Variants in ZNF469 observed in about 807,000 individuals in gnomAD.
ZNF469 encodes zinc finger protein 469.
Under a neutral mutation model 1.0 loss-of-function variants are expected in ZNF469, and 1 was observed. The observed-to-expected ratio is 1.00, with a 90% CI of 0.35 to 4.73. The LOEUF (loss-of-function observed/expected upper bound fraction) is 4.73, where lower values mean the gene tolerates loss of function less well. ZNF469 is among the 30% of genes most tolerant of loss of function. The pLI, the probability that ZNF469 is intolerant of heterozygous loss-of-function variation, is 0.16. For synonymous variants in ZNF469, 2,703 were observed against 2,363.4 expected, an observed-to-expected ratio of 1.14 and a Z score of -4.17; for missense variants, 6,100 against 5,356.3, an observed-to-expected ratio of 1.14 and a Z score of -4.33.
At chr16:88,189,048 G>A in the ZNF469 span, among the ~76,000 whole-genome samples, 1 of 152,018 alleles carries the variant, frequency 6.6e-6, no homozygotes, top group East Asian at 1.9e-4. This position sits in a 1 kb window ranked among gnomAD's most constrained non-coding sequence, Gnocchi z 4.3. Context: ...CCCAATGAGG[G>A]GAGGATGTCT....
chr16:88,113,976 A>T, the ZNF469 span, among the ~76,000 whole-genome samples: 1 of 152,150 alleles, frequency 6.6e-6, no homozygotes, highest in African/African-American at 2.4e-5. Flanking sequence ...GGGCCGTGCG[A>T]TGGGAGGTCC....
At chr16:88,399,717 C>G (rs1351760607) in intron 1 of ZNF469, among the ~76,000 whole-genome samples, 1 of 152,264 alleles carries the variant, frequency 6.6e-6, no homozygotes, top group East Asian at 1.9e-4. Flanking sequence ...CCCCCAGCCT[C>G]ACTCCTGCAG....
chr16:88,372,740 A>G, the ZNF469 span, among the ~76,000 whole-genome samples: 2 of 147,408 alleles, frequency 1.4e-5, no homozygotes, highest in African/African-American at 5.1e-5. Context: ...CTTCACCATC[A>G]CCACCATCAT....
the ZNF469 span, among the ~76,000 whole-genome samples, chr16:88,286,229 C>T: frequency 9.8e-5 from 15 of 152,370 alleles, no homozygotes; most frequent in Admixed American, 4.6e-4. Context: ...GCCCCCACTC[C>T]GTTCACCACA....
chr16:88,284,722 C>A, the ZNF469 span, among the ~76,000 whole-genome samples: 56 of 152,280 alleles, frequency 3.7e-4, 2 homozygotes, highest in African/African-American at 1.3e-3. Context: ...GTGCTAAGGG[C>A]CTTCCGTGGT....
intron 1 of ZNF469, among the ~76,000 whole-genome samples, chr16:88,409,876 G>T (rs1398932058): frequency 4.7e-5 from 7 of 147,640 alleles, no homozygotes; most frequent in African/African-American, 1.0e-4. Context: ...CGGGGGGGGG[G>T]GGGGGGGGCG....
At chr16:88,107,721 A>G in the ZNF469 span, among the ~76,000 whole-genome samples, 1 of 152,246 alleles carries the variant, frequency 6.6e-6, no homozygotes, top group Non-Finnish European at 1.5e-5. Context: ...CCTGGGACAT[A>G]GACGCGGAGG....
chr16:88,240,501 C>T, the ZNF469 span, among the ~76,000 whole-genome samples: 4 of 152,250 alleles, frequency 2.6e-5, no homozygotes, highest in Admixed American at 2.6e-4. Context: ...CAACACTGTG[C>T]CCACCAGGTG....
the ZNF469 span, among the ~76,000 whole-genome samples, chr16:88,132,356 G>C: frequency 6.6e-6 from 1 of 152,376 alleles, no homozygotes; most frequent in East Asian, 1.9e-4. Flanking sequence ...GCCCAGAAGA[G>C]AGGCTGCAGC....
At chr16:88,205,199 G>A in the ZNF469 span, among the ~76,000 whole-genome samples, 1 of 152,158 alleles carries the variant, frequency 6.6e-6, no homozygotes, top group African/African-American at 2.4e-5. The surrounding 1 kb of genome is among the most constrained non-coding windows in gnomAD (Gnocchi z 4.2). Flanking sequence ...TGGAGAATGA[G>A]GAAAATAATA....
chr16:88,133,638 T>G, the ZNF469 span, among the ~76,000 whole-genome samples: 3 of 149,438 alleles, frequency 2.0e-5, no homozygotes, highest in Non-Finnish European at 4.4e-5. Flanking sequence ...ATTAATAAAA[T>G]AAATTATAAA....
the ZNF469 span, among the ~76,000 whole-genome samples, chr16:88,176,150 C>A: frequency 6.6e-6 from 1 of 151,444 alleles, no homozygotes; most frequent in Admixed American, 6.6e-5. Flanking sequence ...ACCCTGCACC[C>A]ACCGAAGCTC....
Position 88,424,098 on chromosome 16 carries a change from G to A in ZNF469, c.-191-709G>A, listed in dbSNP as rs1260784577. ...CACAGCGTTTGGAGCACAGGCTGTC[G>A]CCATGTGGTGACCATTGCTGTATTG... On this transcript the variant is annotated intron_variant, in intron 1 of 2. Transcript: ENST00000565624. The surrounding 1 kb of genome is among the most constrained non-coding windows in gnomAD (Gnocchi z 4.3). 6.6e-6 allele frequency among the ~76,000 whole-genome samples: 1 copy of A among 152,236 alleles called. No individual in the cohort carries two copies. The highest frequency in any genetic ancestry group is 6.5e-5 in the Admixed American group (1 of 15,284).
the ZNF469 span, among the ~76,000 whole-genome samples, chr16:88,327,085 C>G: frequency 6.6e-6 from 1 of 152,210 alleles, no homozygotes; most frequent in African/African-American, 2.4e-5. Flanking sequence ...GCTGTGGGAC[C>G]TCAGGAGAAG....
chr16:88,396,688 T>TCTGAAGGGAGGCCGGGAGGAGACCCTC (rs1904679713), intron 1 of ZNF469, among the ~76,000 whole-genome samples: 4 of 88,850 alleles, frequency 4.5e-5, no homozygotes, highest in Non-Finnish European at 4.5e-5. Context: ...AGGAGACCCG[T>TCTGAAGGGAGGCCGGGAGGAGACCCTC]CTGAAGGGAG....
the ZNF469 span, among the ~76,000 whole-genome samples, chr16:88,113,726 A>C: frequency 6.6e-6 from 1 of 152,222 alleles, no homozygotes; most frequent in Non-Finnish European, 1.5e-5. Flanking sequence ...CAGGCGGTGC[A>C]GGGCCCCAGC....
chr16:88,296,692 A>G, the ZNF469 span, among the ~76,000 whole-genome samples: 1 of 151,486 alleles, frequency 6.6e-6, no homozygotes, highest in African/African-American at 2.4e-5. Context: ...GTGCACACTC[A>G]CATGTGCAGA....
At chr16:88,110,067 T>C in the ZNF469 span, among the ~76,000 whole-genome samples, 1 of 152,176 alleles carries the variant, frequency 6.6e-6, no homozygotes, top group Non-Finnish European at 1.5e-5. Context: ...GGTGACTCCT[T>C]TTTCCCTCAC....
At chr16:88,128,445 C>T in the ZNF469 span, among the ~76,000 whole-genome samples, 3 of 152,192 alleles carry the variant, frequency 2.0e-5, no homozygotes, top group Non-Finnish European at 2.9e-5. Flanking sequence ...TGTTCTCACC[C>T]TCCAACCCTC....
Sources: allele counts gnomAD v4.1 joint callset (sites outside exome capture counted in the v4.1 genomes callset), GRCh38; gene constraint gnomAD v4.1.1; non-coding constraint Gnocchi (gnomAD v3.1); transcripts MANE v1.5; gene names NCBI Gene and HGNC (gene_info 2026-07-23, HGNC 2026-07-21).